Variants in UCHL5 observed in about 807,000 individuals in gnomAD.
The protein encoded by UCHL5 is ubiquitin carboxyl-terminal hydrolase isozyme L5.
A neutral mutation model predicts 53.8 loss-of-function variants in UCHL5; 34 were observed. The ratio of observed to expected loss-of-function variants is 0.63; its 90% CI spans 0.48 to 0.84. The LOEUF is 0.84. UCHL5 is among the 40% of genes least tolerant of loss of function. The pLI is 0.00. For synonymous variants in UCHL5, 111 were observed against 126.3 expected (o/e 0.88, Z 0.81); for missense variants, 290 against 385.6 (o/e 0.75, Z 2.08).
chr1:193,051,103 A>G (rs770921069), intron 2 of UCHL5, among the ~76,000 whole-genome samples: 19 of 152,040 alleles, frequency 1.2e-4, no homozygotes, highest in Admixed American at 1.0e-3. Flanking sequence ...CTAAGTCCCT[A>G]TTTTCCCTTT....
chr1:193,051,476 T>TAAAAAAAAAAAAAAA (rs375074775), intron 2 of UCHL5, among the ~76,000 whole-genome samples: 1 of 119,752 alleles, frequency 8.4e-6, no homozygotes, highest in Non-Finnish European at 1.7e-5. Flanking sequence ...GTGAATTTTG[T>TAAAAAAAAAAAAAAA]AAAAAAAAAA....
At chr1:193,055,051 T>C (rs1416030220) in intron 1 of UCHL5, among the ~76,000 whole-genome samples, 1 of 152,174 alleles carries the variant, frequency 6.6e-6, no homozygotes, top group Non-Finnish European at 1.5e-5. Flanking sequence ...TCAGGTCATA[T>C]TGAGCAGAAT....
chr1:193,059,547 G>A (rs369216608), upstream of UCHL5: 26 of 1,542,626 alleles, frequency 1.7e-5, 1 homozygote, highest in East Asian at 1.5e-4. This position sits in a 1 kb window ranked among gnomAD's most constrained non-coding sequence, Gnocchi z 4.9. Flanking sequence ...TCACAGCGCC[G>A]AGGAGGCAAC....
intron 3 of UCHL5, among the ~76,000 whole-genome samples, chr1:193,033,410 G>A (rs537767057): frequency 4.3e-4 from 66 of 152,068 alleles, no homozygotes; most frequent in Non-Finnish European, 7.9e-4. Flanking sequence ...ATAGCATTAG[G>A]AGAAATACCT....
intron 3 of UCHL5, among the ~76,000 whole-genome samples, chr1:193,045,998 T>C (rs1379433589): frequency 1.3e-5 from 2 of 150,886 alleles, no homozygotes; most frequent in African/African-American, 4.9e-5. Context: ...TAATGATATA[T>C]AAGCACAAAA....
intron 3 of UCHL5, among the ~76,000 whole-genome samples, chr1:193,032,747 AT>A (rs1661927246): frequency 6.6e-6 from 1 of 152,236 alleles, no homozygotes; most frequent in South Asian, 2.1e-4. Flanking sequence ...AAAAGAAGAC[AT>A]TTATGTGGCC....
rs558657412 is a variant in UCHL5, at chr1:193,032,000, C to G, written c.247-2343G>C. Among the ~76,000 whole-genome samples the G allele has an allele frequency of 2.0e-5, 3 of 152,146 alleles. No individual in the cohort carries two copies. The South Asian group carries it at 6.2e-4, about 32-fold the overall frequency. Reference sequence around the variant, plus strand: ...GCAGAGGGTCTCAAGTAGGACTGACCCAGAACCTTAAGAGTTTGGTTTGAA... The same window carrying G: ...GCAGAGGGTCTCAAGTAGGACTGACGCAGAACCTTAAGAGTTTGGTTTGAA... On this transcript the variant is annotated intron_variant, in intron 3 of 10. Coordinates refer to ENST00000367454, the MANE Select transcript of UCHL5 (RefSeq NM_001199261.3).
At chr1:193,059,698 T>G, upstream of UCHL5, 1 of 1,357,768 alleles carries the variant, frequency 7.4e-7, no homozygotes, top group Non-Finnish European at 9.8e-7. The surrounding 1 kb of genome is among the most constrained non-coding windows in gnomAD (Gnocchi z 4.9). Context: ...TCAGGCTGCC[T>G]TCTTTTGTCG....
At chr1:193,025,419 C>T (rs373478186) in intron 7 of UCHL5, among the ~76,000 whole-genome samples, 2 of 152,310 alleles carry the variant, frequency 1.3e-5, no homozygotes, top group African/African-American at 4.8e-5. Flanking sequence ...AATGACAACA[C>T]CCATTTGTGG....
chr1:193,054,104 C>A (rs559728994), intron 1 of UCHL5, among the ~76,000 whole-genome samples: 2 of 151,850 alleles, frequency 1.3e-5, no homozygotes, highest in African/African-American at 2.4e-5. Flanking sequence ...AAACCAGAAC[C>A]CTGTTCCAAA....
intron 1 of UCHL5, among the ~76,000 whole-genome samples, chr1:193,058,073 A>G (rs900336829): frequency 1.3e-5 from 2 of 152,128 alleles, no homozygotes; most frequent in East Asian, 1.9e-4. Flanking sequence ...CTAAAAAAAA[A>G]AAAATTAGCC....
intron 3 of UCHL5, among the ~76,000 whole-genome samples, chr1:193,043,163 A>AAAAAAAT (rs1666224329): frequency 6.8e-6 from 1 of 147,794 alleles, no homozygotes; most frequent in African/African-American, 2.5e-5. Flanking sequence ...AAAAAAAAAA[A>AAAAAAAT]AAAAAAAAAA....
At chr1:193,043,151 T>TAAAAAAAAAAAAAAAAAAAAAAAAAAAAA (rs200951342) in intron 3 of UCHL5, among the ~76,000 whole-genome samples, 2 of 36,376 alleles carry the variant, frequency 5.5e-5, no homozygotes, top group African/African-American at 1.7e-4. Flanking sequence ...TCTTGAATAT[T>TAAAAAAAAAAAAAAAAAAAAAAAAAAAAA]AAAAAAAAAA....
In UCHL5 at chr1:193,059,348, C is replaced by A; in HGVS notation, c.-88G>T. 1.9e-6 allele frequency: 3 copies of A among 1,605,696 alleles called. No individual in the cohort carries two copies. Among genetic ancestry groups the A allele is most frequent in the East Asian group, 2.2e-5 (1 of 44,514 alleles). The stretch of plus-strand genomic sequence containing the variant: ...CGCCGGCCACAGATCTCAGCAAACC[C>A]GCCGCCGAGCTCGTCAACCACACGT... On this transcript the variant is annotated 5_prime_UTR_variant, in exon 1 of 11. Coordinates refer to ENST00000367454, the MANE Select transcript of UCHL5 (RefSeq NM_001199261.3). The surrounding 1 kb of genome is among the most constrained non-coding windows in gnomAD (Gnocchi z 4.9).
chr1:193,037,168 G>A (rs1457177693), intron 3 of UCHL5, among the ~76,000 whole-genome samples: 2 of 151,364 alleles, frequency 1.3e-5, no homozygotes, highest in Non-Finnish European at 3.0e-5. Flanking sequence ...CAATGAAATC[G>A]AGACTTAAAA....
Position 193,059,106 on chromosome 1 carries a change from G to T in UCHL5, c.76+79C>A. 7.1e-7 allele frequency: 1 copy of T among 1,400,750 alleles called. No homozygotes were observed. Among genetic ancestry groups the T allele is most frequent in the Non-Finnish European group, 9.5e-7 (1 of 1,057,386 alleles). 86.8% of individuals were successfully genotyped at this position (1,400,750 alleles called of 1,614,324 possible). A position where few individuals can be genotyped will look rare whatever the true frequency, so the allele number is the denominator to read the frequency against. ...ACCTCTCCAGACGCGGGGCGGCGGT[G>T]GCCGCAGGGAACCACTCCATGCCCA... On this transcript the variant is annotated intron_variant, in intron 1 of 10. Transcript: ENST00000367454. The surrounding 1 kb of genome is among the most constrained non-coding windows in gnomAD (Gnocchi z 4.9).
In UCHL5 at chr1:193,015,728, T is replaced by A. The variant is rs1300534390; in HGVS notation, c.*623A>T. 6.6e-6 allele frequency: 1 copy of A among 151,990 alleles called. No individual in the cohort carries two copies. The highest frequency in any genetic ancestry group is 1.9e-4 in the East Asian group (1 of 5,194). 9.4% of individuals were successfully genotyped at this position (151,990 alleles called of 1,614,324 possible). A position where few individuals can be genotyped will look rare whatever the true frequency, so the allele number is the denominator to read the frequency against. ...CTTCCTGAAACAATTCTCTAATACATAAACAAATAACCCCAAACACTTGAA... is the reference window on the plus strand; with the variant it reads ...CTTCCTGAAACAATTCTCTAATACAAAAACAAATAACCCCAAACACTTGAA... On this transcript the variant is annotated 3_prime_UTR_variant, in exon 11 of 11. Transcript: ENST00000367454.
intron 3 of UCHL5, among the ~76,000 whole-genome samples, chr1:193,035,210 G>T (rs2102559640): frequency 6.6e-6 from 1 of 151,952 alleles, no homozygotes; most frequent in South Asian, 2.1e-4. Context: ...ATTAATAGAT[G>T]AAAGTGAACT....
At chr1:193,041,888 C>G (rs1280982662) in intron 3 of UCHL5, among the ~76,000 whole-genome samples, 2 of 152,076 alleles carry the variant, frequency 1.3e-5, no homozygotes, top group Non-Finnish European at 1.5e-5. Flanking sequence ...TTTGTGAGGG[C>G]AAAGATGGGA....
Sources: allele counts gnomAD v4.1 joint callset (sites outside exome capture counted in the v4.1 genomes callset), GRCh38; gene constraint gnomAD v4.1.1; non-coding constraint Gnocchi (gnomAD v3.1); transcripts MANE v1.5; gene names NCBI Gene and HGNC (gene_info 2026-07-23, HGNC 2026-07-21).